ADPRHL1: variants seen among roughly 807,000 people sequenced by gnomAD.
ADPRHL1 encodes the protein inactive ADP-ribosyltransferase ARH2.
In ADPRHL1, 43 loss-of-function variants were observed where a neutral mutation model predicts 44.1. The ratio of observed to expected loss-of-function variants is 0.98; its 90% confidence interval spans 0.76 to 1.26. The LOEUF is 1.26. Among genes scored for constraint, ADPRHL1 ranks in the 50% most tolerant of loss-of-function variants. The probability of loss-of-function intolerance (pLI) is 0.00; values close to 1 mark genes in which losing one functional copy is unlikely to be tolerated. For missense variants in ADPRHL1, 2,022 were observed against 2,496.9 expected (o/e 0.81, Z 4.05); for synonymous variants, 878 against 1,017.4 (o/e 0.86, Z 2.61).
At chr13:113,436,037 G>A (rs1386989700) in intron 2 of ADPRHL1, among the ~76,000 whole-genome samples, 1 of 151,854 alleles carries the variant, frequency 6.6e-6, no homozygotes, top group Non-Finnish European at 1.5e-5. Context: ...CCCAGGCACA[G>A]AGTGAACATA....
intron 2 of ADPRHL1, among the ~76,000 whole-genome samples, chr13:113,438,766 C>T (rs1239601665): frequency 6.6e-6 from 1 of 152,100 alleles, no homozygotes; most frequent in Non-Finnish European, 1.5e-5. Flanking sequence ...CCAAGTGATC[C>T]TCCTGGCTCA....
intron 1 of ADPRHL1, 48 bp from the exon 2 acceptor site, chr13:113,444,637 C>T: frequency 6.3e-7 from 1 of 1,588,294 alleles, no homozygotes; most frequent in Non-Finnish European, 8.6e-7. Context: ...GTGGTGTGAA[C>T]TGTGGCCTCC....
chr13:113,419,968 G>T (rs915015095), intron 7 of ADPRHL1, among the ~76,000 whole-genome samples: 4 of 152,134 alleles, frequency 2.6e-5, no homozygotes, highest in African/African-American at 9.7e-5. Context: ...ACATAAGCAG[G>T]TGTGTCTCAC....
chr13:113,426,782 A>G (rs1379326449), intron 4 of ADPRHL1, among the ~76,000 whole-genome samples: 1 of 152,252 alleles, frequency 6.6e-6, no homozygotes, highest in Non-Finnish European at 1.5e-5. Flanking sequence ...ACCTGGGCGC[A>G]GACTGAAAGC....
chr13:113,414,679 GTT>G (rs34698707), intron 7 of ADPRHL1, among the ~76,000 whole-genome samples: 14 of 138,856 alleles, frequency 1.0e-4, no homozygotes, highest in Non-Finnish European at 9.4e-5. Flanking sequence ...TCTGTTTTCT[GTT>G]TTTTTTTTTT....
intron 7 of ADPRHL1, among the ~76,000 whole-genome samples, chr13:113,418,431 C>T (rs963246177): frequency 2.5e-4 from 38 of 152,246 alleles, no homozygotes; most frequent in Non-Finnish European, 4.7e-4. Context: ...CTTCCTCCAA[C>T]GTGGGAAAGG....
At position 113,453,276 on chromosome 13, in the gene ADPRHL1, G is replaced by C. The variant is rs750266856; in HGVS notation, c.162C>G (p.Pro54=). The C allele has an allele frequency of 9.3e-6, 15 of 1,614,164 alleles. No individual in the cohort carries two copies. The East Asian group carries it at 1.8e-4, about 19-fold the overall frequency. Residue 54 remains proline (P), a synonymous_variant, in exon 1 of 8, where the codon CCC becomes CCG. Coordinates refer to ENST00000612156, the MANE Select transcript of ADPRHL1 (RefSeq NM_001394807.1). The surrounding 1 kb of genome is among the most constrained non-coding windows in gnomAD (Gnocchi z 5.4). ...TGTGCATGATGGTGTTGTCACTCAC[G>C]GGCCATTCTCCTGGCGAGAGTACGA... ...DHLVLSPGEW[P]VSDNTIMHIA... is the part of the protein sequence containing the mutation.
intron 1 of ADPRHL1, chr13:113,448,928 C>T (rs1595557993): frequency 1.0e-6 from 1 of 985,002 alleles, no homozygotes; most frequent in African/African-American, 1.7e-5. Flanking sequence ...GAATGGCCAG[C>T]TGCATACCCG....
At chr13:113,426,775 T>C (rs1430898481) in intron 4 of ADPRHL1, among the ~76,000 whole-genome samples, 1 of 152,206 alleles carries the variant, frequency 6.6e-6, no homozygotes, top group Non-Finnish European at 1.5e-5. Context: ...AACATGGACC[T>C]GGGCGCAGAC....
rs879765039 is a variant in ADPRHL1, at chr13:113,434,381, ACCCAGCACCCAGGCGTAGAG to A, written c.380-534_380-515del. Among the ~76,000 whole-genome samples the A allele has an allele frequency of 9.5e-3, 1,438 of 151,040 alleles. 15 individuals carry two copies. The highest frequency in any genetic ancestry group is 0.024 in the African/African-American group (976 of 40,780). ...AGGATGAACATAGGTGTACCCTGGG[ACCCAGCACCCAGGCGTAGAG>A]TGAACATAGGTGTACCCTGGGACCC... is the stretch of plus-strand genomic sequence containing the variant. On this transcript the variant is annotated intron_variant, in intron 2 of 7. Coordinates refer to ENST00000612156, the MANE Select transcript of ADPRHL1 (RefSeq NM_001394807.1).
At position 113,406,769 on chromosome 13, in the gene ADPRHL1, G is replaced by A. The variant is rs1443715205; in HGVS notation, c.2513C>T (p.Thr838Met). ...TTGGACAGTTATCCGTGGAGGCTCC[G>A]TGGCAGGCTGTGTTCTCCGAGCAGC... ...VQAARRTQPATEPPRITVQIP... is the reference protein window; with the variant it reads ...VQAARRTQPAMEPPRITVQIP... Residue 838 changes from threonine (T) to methionine (M), a missense_variant, in exon 8 of 8, where the codon ACG (threonine) becomes ATG (methionine). Thr to Met is a moderately conservative substitution (Grantham distance 81, BLOSUM62 -1). Coordinates refer to ENST00000612156, the MANE Select transcript of ADPRHL1 (RefSeq NM_001394807.1). 24 of 1,231,862 alleles carry A rather than the reference G, an allele frequency of 1.9e-5. No individual in the cohort carries two copies. The highest frequency in any genetic ancestry group is 6.2e-5 in the African/African-American group (4 of 64,422). The allele number at this position is 1,231,862 out of a possible 1,614,324, so 76.3% of individuals were successfully genotyped here. A position where few individuals can be genotyped will look rare whatever the true frequency, so the allele number is the denominator to read the frequency against.
In ADPRHL1 at chr13:113,405,039, G is replaced by C. The variant is rs913539445; in HGVS notation, c.4243C>G (p.Gln1415Glu). ...GCCAGATCCTGTGCCCACCATGTCT[G>C]AGGCTCTTTTGCTGGGTTCAGCACA... is the stretch of plus-strand genomic sequence containing the variant. ...KVVLNPAKEP[Q>E]TWWAQDLAGD... Residue 1415 changes from glutamine (Q) to glutamate (E), a missense_variant, in exon 8 of 8, where the codon CAG (glutamine) becomes GAG (glutamate). Around this residue, in one of 8 missense-constraint regions of ADPRHL1, gnomAD observed 1,221 missense variants for 1,517.8 expected, o/e 0.80. Coordinates refer to ENST00000612156, the MANE Select transcript of ADPRHL1 (RefSeq NM_001394807.1). The C allele has an allele frequency of 1.6e-6, 2 of 1,232,580 alleles. No individual in the cohort carries two copies. Among genetic ancestry groups the C allele is most frequent in the African/African-American group, 3.1e-5 (2 of 64,442 alleles). 76.4% of individuals were successfully genotyped at this position (1,232,580 alleles called of 1,614,324 possible).
At position 113,433,803 on chromosome 13, in the gene ADPRHL1, C is replaced by T. The variant is rs1438696346; in HGVS notation, c.444G>A (p.Arg148=). 2 of 1,587,548 alleles carry T rather than the reference C, an allele frequency of 1.3e-6. No homozygotes were observed. Among genetic ancestry groups the T allele is most frequent in the Admixed American group, 1.8e-5 (1 of 57,038 alleles). The change falls in exon 3 of 8, where the codon CGG becomes CGA. Residue 148 remains arginine (R), a synonymous_variant. Coordinates refer to ENST00000612156, the MANE Select transcript of ADPRHL1 (RefSeq NM_001394807.1). ...CGCTGACCTCGATGAGGGTCTCCAG[C>T]CGCTCAGGCTTCCAGTACCGCAGGC... ...CIGLRYWKPE[R]LETLIEVSVE...
Position 113,403,069 on chromosome 13 carries a change from C to T in ADPRHL1, c.*309G>A, listed in dbSNP as rs2043774567. The T allele has an allele frequency of 1.3e-5, 3 of 228,060 alleles. No individual in the cohort carries two copies. The highest frequency in any genetic ancestry group is 1.1e-4 in the Admixed American group (2 of 17,442). The allele number at this position is 228,060 out of a possible 1,614,324, so 14.1% of individuals were successfully genotyped here. A position where few individuals can be genotyped will look rare whatever the true frequency, so the allele number is the denominator to read the frequency against. The stretch of plus-strand genomic sequence containing the variant: ...TGCGGGAGGTGTGAGCTCCACGCTG[C>T]AGGCTGTGTGAGAGAGGGGTGAGCC... On this transcript the variant is annotated 3_prime_UTR_variant, in exon 8 of 8. Coordinates refer to ENST00000612156, the MANE Select transcript of ADPRHL1 (RefSeq NM_001394807.1).
intron 6 of ADPRHL1, among the ~76,000 whole-genome samples, chr13:113,423,474 G>A (rs1192265500): frequency 6.6e-6 from 1 of 152,212 alleles, no homozygotes; most frequent in African/African-American, 2.4e-5. Context: ...GGGCTGAGCC[G>A]GCTCTGTGCA....
chr13:113,411,878 C>T (rs1293419529), intron 7 of ADPRHL1, among the ~76,000 whole-genome samples: 1 of 152,230 alleles, frequency 6.6e-6, no homozygotes, highest in East Asian at 1.9e-4. Context: ...TCTGGCCTGG[C>T]CACTCCCCTG....
chr13:113,409,758 G>A lies in ADPRHL1; in HGVS notation c.1062-1538C>T, dbSNP rs555492620. 4.2e-5 allele frequency: 27 copies of A among 638,130 alleles called. No homozygotes were observed. The South Asian group carries it at 9.7e-4, about 23-fold the overall frequency. The allele number at this position is 638,130 out of a possible 1,614,324, so 39.5% of individuals were successfully genotyped here. On this transcript the variant is annotated intron_variant, in intron 7 of 7. Transcript: ENST00000612156. The surrounding 1 kb of genome is among the most constrained non-coding windows in gnomAD (Gnocchi z 4.2). ...AAAAAAATCAGCCGGGCGTGGTGGC[G>A]GGCGCCTGTAGTCCCAGCTACTTGG...
intron 2 of ADPRHL1, among the ~76,000 whole-genome samples, chr13:113,437,900 TAGCTC>T (rs1470568699): frequency 1.3e-5 from 2 of 152,206 alleles, no homozygotes; most frequent in Non-Finnish European, 2.9e-5. Flanking sequence ...AGCCTAATCT[TAGCTC>T]AGTGCACCTC....
chr13:113,410,133 A>C (rs912860094), intron 7 of ADPRHL1: 394 of 985,270 alleles, frequency 4.0e-4, no homozygotes, highest in Middle Eastern at 1.5e-3. Context: ...ACCCAGGGCC[A>C]GGACGGACCC....
Sources: gnomAD v4.1 joint callset for allele counts (sites outside exome capture counted in the v4.1 genomes callset) on GRCh38, gnomAD v4.1.1 for gene constraint, gnomAD v4.1.1 regional missense constraint, Gnocchi (gnomAD v3.1) non-coding constraint, MANE v1.5 for transcripts, NCBI Gene and HGNC (gene_info 2026-07-23, HGNC 2026-07-21) for gene names.